CASD1: variants seen among roughly 807,000 people sequenced by gnomAD.
CASD1 encodes N-acetylneuraminate (7)9-O-acetyltransferase.
A neutral mutation model predicts 100.0 loss-of-function variants in CASD1; 41 were observed. The observed-to-expected ratio is 0.41, with a 90% confidence interval of 0.32 to 0.53. The LOEUF is 0.53. CASD1 is among the 20% of genes least tolerant of loss of function. CASD1 has a pLI of 0.25. For synonymous variants in CASD1, 321 were observed against 315.6 expected, an observed-to-expected ratio of 1.02 and a Z score of -0.18; for missense variants, 774 against 948.7, an observed-to-expected ratio of 0.82 and a Z score of 2.42.
chr7:94,537,981 C>A, intron 9 of CASD1, 87 bp downstream of exon 9: 2 of 753,872 alleles, frequency 2.7e-6, no homozygotes, highest in Non-Finnish European at 4.3e-6. Context: ...TTTATCATGA[C>A]AAAATACACA....
chr7:94,528,161 TCTTTA>T lies in CASD1; in HGVS notation c.397-23_397-19del, dbSNP rs772731095. 4.0e-6 allele frequency: 6 copies of T among 1,499,070 alleles called. No homozygotes were observed. The Admixed American group carries it at 7.5e-5, about 19-fold the overall frequency. The allele number at this position is 1,499,070 out of a possible 1,614,324, so 92.9% of individuals were successfully genotyped here. On this transcript the variant is annotated intron_variant, in intron 4 of 17. Coordinates refer to ENST00000297273, the MANE Select transcript of CASD1 (RefSeq NM_022900.5). ...GGAATTAAGAGTTTCTTCAACTTTT[TCTTTA>T]CTTCTAACATTTCTCTTTTAGGATT...
the CASD1 span, among the ~76,000 whole-genome samples, chr7:94,596,218 A>T: frequency 6.6e-6 from 1 of 152,176 alleles, no homozygotes; most frequent in South Asian, 2.1e-4. Flanking sequence ...TGTAAACTAG[A>T]TAGAAAATTT....
the CASD1 span, chr7:94,618,591 A>C: frequency 3.3e-6 from 2 of 611,242 alleles, no homozygotes; most frequent in Non-Finnish European, 5.6e-6. Context: ...CCACTAACAC[A>C]ACATCTTTGC....
chr7:94,547,619 C>G (rs1795743584), intron 13 of CASD1, among the ~76,000 whole-genome samples: 1 of 151,588 alleles, frequency 6.6e-6, no homozygotes, highest in Non-Finnish European at 1.5e-5. Flanking sequence ...GTTTGTGTAT[C>G]TATAGTATGT....
rs767799178 is a variant in CASD1, at chr7:94,535,415, A to C, written c.735A>C (p.Arg245Ser). The change falls in exon 8 of 18, where the codon AGA (arginine) becomes AGC (serine). Residue 245 changes from arginine to serine, a missense_variant. By Grantham distance (110) the Arg-to-Ser change is moderately radical (BLOSUM62 -1). Transcript: ENST00000297273. Reference sequence around the variant, plus strand: ...TCAGTATTTTGAATAGTAGCACCAGAAATTCTAAATCAAATGTTAAGATGT... The same window carrying C: ...TCAGTATTTTGAATAGTAGCACCAGCAATTCTAAATCAAATGTTAAGATGT... ...AAVSILNSST[R>S]NSKSNVKMFS... is the part of the protein sequence containing the mutation. 1 of 1,613,280 alleles carries C rather than the reference A, an allele frequency of 6.2e-7. No homozygotes were observed. Among genetic ancestry groups the C allele is most frequent in the South Asian group, 1.1e-5 (1 of 91,070 alleles).
the CASD1 span, chr7:94,587,735 C>A: frequency 6.5e-7 from 1 of 1,532,746 alleles, no homozygotes; most frequent in African/African-American, 1.4e-5. Context: ...TTCTGATAAA[C>A]ATCTTGTAAT....
chr7:94,537,123 A>G (rs1795160168), intron 8 of CASD1, among the ~76,000 whole-genome samples: 1 of 152,086 alleles, frequency 6.6e-6, no homozygotes, highest in Non-Finnish European at 1.5e-5. Flanking sequence ...ACAACCCATT[A>G]ACAACCATGA....
intron 5 of CASD1, among the ~76,000 whole-genome samples, chr7:94,530,137 A>G (rs1457478452): frequency 2.0e-5 from 3 of 152,180 alleles, no homozygotes; most frequent in African/African-American, 7.2e-5. Context: ...GGCACAGCAA[A>G]CAGGATTACA....
At chr7:94,598,760 T>C in the CASD1 span, 2 of 1,560,484 alleles carry the variant, frequency 1.3e-6, no homozygotes, top group African/African-American at 1.4e-5. Context: ...ATTATGGCTC[T>C]AAGTGGACAC....
downstream of CASD1, among the ~76,000 whole-genome samples, chr7:94,557,871 C>CTA (rs1283269386): frequency 6.6e-6 from 1 of 151,862 alleles, no homozygotes; most frequent in Non-Finnish European, 1.5e-5. Flanking sequence ...ATGATAGCAC[C>CTA]TATATATACG....
rs1208186280 is a variant in CASD1, at chr7:94,555,522, G to A, written c.2158G>A (p.Ala720Thr). Residue 720 changes from alanine (A) to threonine (T), a missense_variant, in exon 18 of 18, where the codon GCA becomes ACA. Around this residue, in one of 5 missense-constraint regions of CASD1, gnomAD observed 175 missense variants for 206.9 expected, o/e 0.85. Coordinates refer to ENST00000297273, the MANE Select transcript of CASD1 (RefSeq NM_022900.5). Reference protein sequence around the residue: ...LFICQYHIWLAADTRGILVLI... With the variant: ...LFICQYHIWLTADTRGILVLI... The stretch of plus-strand genomic sequence containing the variant: ...TATTTGCCAGTATCACATATGGCTG[G>A]CAGCGGACACAAGGGGTATCTTGGT... The A allele has an allele frequency of 6.2e-7, 1 of 1,612,896 alleles. No homozygotes were observed. The highest frequency in any genetic ancestry group is 1.3e-5 in the African/African-American group (1 of 74,852).
the CASD1 span, among the ~76,000 whole-genome samples, chr7:94,577,614 A>C: frequency 6.6e-6 from 1 of 152,152 alleles, no homozygotes; most frequent in Non-Finnish European, 1.5e-5. Flanking sequence ...CTACACATTC[A>C]TGTGTAGATT....
At chr7:94,526,869 A>G (rs1164735478) in intron 3 of CASD1, among the ~76,000 whole-genome samples, 1 of 152,216 alleles carries the variant, frequency 6.6e-6, no homozygotes, top group Non-Finnish European at 1.5e-5. Context: ...TCTTGGCAAA[A>G]AGGTAATTTA....
chr7:94,530,550 T>C (rs1794803560), intron 5 of CASD1, among the ~76,000 whole-genome samples: 1 of 152,116 alleles, frequency 6.6e-6, no homozygotes, highest in African/African-American at 2.4e-5. Context: ...GAATTGAGGG[T>C]AGTGGAGAAC....
At chr7:94,533,862 T>C (rs1486007189) in intron 7 of CASD1, 60 bp downstream of exon 7, 1 of 1,387,374 alleles carries the variant, frequency 7.2e-7, no homozygotes, top group Non-Finnish European at 9.5e-7. Context: ...TGGGTTTTTA[T>C]TATCTCCTGT....
chr7:94,558,112 C>T (rs1054631656), downstream of CASD1, among the ~76,000 whole-genome samples: 6 of 152,134 alleles, frequency 3.9e-5, no homozygotes, highest in African/African-American at 1.4e-4. Flanking sequence ...CTACCTCAAT[C>T]GTTCCTCCTT....
intron 5 of CASD1, among the ~76,000 whole-genome samples, chr7:94,531,953 T>A (rs1055613868): frequency 2.0e-5 from 3 of 152,104 alleles, no homozygotes; most frequent in Non-Finnish European, 2.9e-5. Context: ...TCATCTTGCC[T>A]GCCCCACAGG....
chr7:94,542,670 T>G (rs1264152328), intron 10 of CASD1, among the ~76,000 whole-genome samples: 1 of 152,208 alleles, frequency 6.6e-6, no homozygotes, highest in Non-Finnish European at 1.5e-5. Context: ...TAGCAGTTAA[T>G]GACCATCTAA....
the CASD1 span, among the ~76,000 whole-genome samples, chr7:94,580,091 C>T: frequency 6.6e-6 from 1 of 152,176 alleles, no homozygotes; most frequent in Non-Finnish European, 1.5e-5. Flanking sequence ...GCTACCATTT[C>T]TCCAATTATA....
Sources: allele counts gnomAD v4.1 joint callset (sites outside exome capture counted in the v4.1 genomes callset), GRCh38; gene constraint gnomAD v4.1.1; regional missense constraint gnomAD v4.1.1; transcripts MANE v1.5; gene names NCBI Gene and HGNC (gene_info 2026-07-23, HGNC 2026-07-21).